Variants in MPG observed in about 807,000 individuals in gnomAD.
MPG encodes DNA-3-methyladenine glycosylase.
In MPG, 33 loss-of-function variants were observed where a neutral mutation model predicts 31.7. The observed-to-expected ratio is 1.04, with a 90% CI of 0.79 to 1.39. MPG has a LOEUF of 1.39. Among genes scored for constraint, MPG ranks in the 40% most tolerant of loss-of-function variants. The pLI is 0.00. For synonymous variants in MPG, 202 were observed against 169.2 expected (o/e 1.19, Z -1.51); for missense variants, 455 against 415.5 (o/e 1.10, Z -0.83).
At chr16:84,893 G>C (rs139853827) in intron 3 of MPG, among the ~76,000 whole-genome samples, 2 of 152,332 alleles carry the variant, frequency 1.3e-5, no homozygotes, top group East Asian at 3.9e-4. Flanking sequence ...CACAAACACT[G>C]AGTGGGTGAG....
chr16:78,083 G>T (rs1327152564), upstream of MPG: 1 of 329,016 alleles, frequency 3.0e-6, no homozygotes, highest in South Asian at 1.1e-4. Flanking sequence ...CCGGGAATCG[G>T]TCCGGACCTG....
At chr16:78,398 C>T (rs1256369200) in intron 1 of MPG, 65 bp downstream of exon 1, 4 of 1,164,456 alleles carry the variant, frequency 3.4e-6, no homozygotes, top group South Asian at 8.4e-5. Flanking sequence ...GCAGCGAGCG[C>T]GGCCGCGGGA....
chr16:79,276 T>C, intron 1 of MPG, 149 bp from the exon 2 acceptor site: 1 of 1,567,842 alleles, frequency 6.4e-7, no homozygotes, highest in East Asian at 2.4e-5. Flanking sequence ...TGTTTGTGCC[T>C]CATAACAACC....
intron 3 of MPG, among the ~76,000 whole-genome samples, chr16:83,640 C>T (rs532036384): frequency 1.3e-5 from 2 of 151,122 alleles, no homozygotes; most frequent in South Asian, 4.2e-4. Flanking sequence ...ACTAGGGAGG[C>T]GGAGGCAGGA....
Position 83,132 on chromosome 16 carries a change from T to C in MPG, c.381T>C (p.Asp127=). The change falls in exon 3 of 4, where the codon GAT becomes GAC. Residue 127 remains aspartate, a synonymous_variant. Coordinates refer to ENST00000356432, the MANE Select transcript of MPG (RefSeq NM_001015052.3). ...VETEAYLGPE[D]EAAHSRGGRQ... is the part of the protein sequence containing the mutation. ...CCGAGGCATACCTGGGGCCAGAGGA[T>C]GAAGCCGCCCACTCAAGGGGTGGCC... The C allele has an allele frequency of 1.2e-6, 2 of 1,613,074 alleles. No homozygotes were observed. The highest frequency in any genetic ancestry group is 2.2e-5 in the South Asian group (2 of 91,068).
At position 83,102 on chromosome 16, in the gene MPG, G is replaced by A; in HGVS notation, c.351G>A (p.Val117=). ...GCACAGAACTCCGAGGCCGCATCGT[G>A]GAGACCGAGGCATACCTGGGGCCAG... The part of the protein sequence containing the change: ...PNGTELRGRI[V]ETEAYLGPED... The change falls in exon 3 of 4, where the codon GTG becomes GTA. Residue 117 remains valine, a synonymous_variant. Transcript: ENST00000356432. 1 of 1,612,588 alleles carries A rather than the reference G, an allele frequency of 6.2e-7. No individual in the cohort carries two copies.
At chr16:80,003 C>T (rs1567123564) in intron 2 of MPG, among the ~76,000 whole-genome samples, 1 of 152,260 alleles carries the variant, frequency 6.6e-6, no homozygotes, top group Non-Finnish European at 1.5e-5. Context: ...ACCGGCAATC[C>T]ACCTCAGTTT....
rs1898184479 is a variant in MPG at position 79,543 on chromosome 16, A to T, written c.143A>T (p.Gln48Leu). 6.2e-7 allele frequency: 1 copy of T among 1,612,946 alleles called. No individual in the cohort carries two copies. Among genetic ancestry groups the T allele is most frequent in the East Asian group, 2.2e-5 (1 of 44,892 alleles). The change falls in exon 2 of 4, where the codon CAG becomes CTG. Residue 48 changes from glutamine to leucine, a missense_variant. Transcript: ENST00000356432. Reference protein sequence around the residue: ...EQPHSSSDAAQAPCPRERCLG... With the variant: ...EQPHSSSDAALAPCPRERCLG... Reference sequence around the variant, plus strand: ...CCACACAGCTCGTCCGATGCAGCCCAGGCACCTTGCCCCAGGGAGCGCTGC... The same window carrying T: ...CCACACAGCTCGTCCGATGCAGCCCTGGCACCTTGCCCCAGGGAGCGCTGC...
rs1785685679 is a variant in MPG at position 78,228 on chromosome 16, C to T, written c.-82C>T. 7.7e-7 allele frequency: 1 copy of T among 1,304,810 alleles called. No homozygotes were observed. Among genetic ancestry groups the T allele is most frequent in the Middle Eastern group, 2.8e-4 (1 of 3,532 alleles). The allele number at this position is 1,304,810 out of a possible 1,614,324, so 80.8% of individuals were successfully genotyped here. A position where few individuals can be genotyped will look rare whatever the true frequency, so the allele number is the denominator to read the frequency against. On this transcript the variant is annotated 5_prime_UTR_variant, in exon 1 of 4. Transcript: ENST00000356432. ...TGCGCAGGCGCCGCTCCGCCCCGGT[C>T]CTAGGGGTGCTTCCGTGGTCGGCGG... is the stretch of plus-strand genomic sequence containing the variant.
intron 3 of MPG, among the ~76,000 whole-genome samples, chr16:83,697 C>T (rs137979849): frequency 0.012 from 1,825 of 149,572 alleles, 34 homozygotes; most frequent in African/African-American, 0.041. Context: ...GCCAAGATCG[C>T]GCCATTGCAC....
rs1390892416 is a variant in MPG, at chr16:78,339, C to G, written c.24+6C>G. The G allele has an allele frequency of 5.6e-6, 7 of 1,255,542 alleles. No homozygotes were observed. The highest frequency in any genetic ancestry group is 7.0e-6 in the Non-Finnish European group (7 of 1,000,978). 77.8% of individuals were successfully genotyped at this position (1,255,542 alleles called of 1,614,324 possible). A position where few individuals can be genotyped will look rare whatever the true frequency, so the allele number is the denominator to read the frequency against. On this transcript the variant is annotated splice_donor_region_variant and intron_variant, in intron 1 of 3. Transcript: ENST00000356432. ...CCGCGCGCAGCGGGGCCCAGGTGAG[C>G]GCGCGCCTCGGCCGCCCCGCGGAAC...
At chr16:79,329 C>T in intron 1 of MPG, 96 bp from the exon 2 acceptor site, 1 of 1,612,708 alleles carries the variant, frequency 6.2e-7, no homozygotes, top group Non-Finnish European at 8.5e-7. Flanking sequence ...GAAACCAAAG[C>T]AGGTGGTCAG....
rs753136233 is a variant in MPG, at chr16:83,067, C to G, written c.316C>G (p.Leu106Val). The G allele has an allele frequency of 3.1e-6, 5 of 1,605,216 alleles. No homozygotes were observed. Among genetic ancestry groups the G allele is most frequent in the African/African-American group, 2.7e-5 (2 of 74,762 alleles). The stretch of plus-strand genomic sequence containing the variant: ...CTGCCCACAGGTCCTAGTCCGGCGA[C>G]TTCCTAATGGCACAGAACTCCGAGG... ...AFLGQVLVRR[L>V]PNGTELRGRI... The change falls in exon 3 of 4, where the codon CTT becomes GTT. Residue 106 changes from leucine to valine, a missense_variant. Coordinates refer to ENST00000356432, the MANE Select transcript of MPG (RefSeq NM_001015052.3).
Position 79,573 on chromosome 16 carries a change from G to A in MPG, c.173G>A (p.Gly58Glu), listed in dbSNP as rs1033652084. 3 of 1,611,968 alleles carry A rather than the reference G, an allele frequency of 1.9e-6. No homozygotes were observed. The highest frequency in any genetic ancestry group is 2.5e-6 in the Non-Finnish European group (3 of 1,179,540). ...QAPCPRERCL[G>E]PPTTPGPYRS... The stretch of plus-strand genomic sequence containing the variant: ...CCTTGCCCCAGGGAGCGCTGCTTGG[G>A]ACCGCCCACCACTCCGGGCCCATAC... The change falls in exon 2 of 4, where the codon GGA becomes GAA. Residue 58 changes from glycine to glutamate, a missense_variant. Coordinates refer to ENST00000356432, the MANE Select transcript of MPG (RefSeq NM_001015052.3).
chr16:79,723 G>A lies in MPG; in HGVS notation c.300+23G>A, dbSNP rs888299784. The stretch of plus-strand genomic sequence containing the variant: ...CAGGTAATGTGAACATAGCAGCGAG[G>A]GCCCTCCTGAAGTGCCTGTCACTGC... On this transcript the variant is annotated intron_variant, in intron 2 of 3. Transcript: ENST00000356432. The A allele has an allele frequency of 1.4e-5, 22 of 1,538,010 alleles. No homozygotes were observed. The African/African-American group carries it at 1.6e-4, about 12-fold the overall frequency.
At chr16:84,891 C>T (rs923956785) in intron 3 of MPG, among the ~76,000 whole-genome samples, 2 of 152,206 alleles carry the variant, frequency 1.3e-5, no homozygotes, top group African/African-American at 2.4e-5. Flanking sequence ...AACACAAACA[C>T]TGAGTGGGTG....
In MPG at chr16:79,603, G is replaced by C. The variant is rs1359639836; in HGVS notation, c.203G>C (p.Ser68Thr). 6.2e-7 allele frequency: 1 copy of C among 1,605,634 alleles called. No individual in the cohort carries two copies. Among genetic ancestry groups the C allele is most frequent in the South Asian group, 1.1e-5 (1 of 90,448 alleles). Residue 68 changes from serine (S) to threonine (T), a missense_variant, in exon 2 of 4, where the codon AGC (serine) becomes ACC (threonine). By Grantham distance (58) the Ser-to-Thr change is moderately conservative. Coordinates refer to ENST00000356432, the MANE Select transcript of MPG (RefSeq NM_001015052.3). ...GPPTTPGPYR[S>T]IYFSSPKGHL... ...CCCACCACTCCGGGCCCATACCGCAGCATCTATTTCTCAAGCCCAAAGGGC... is the reference window on the plus strand; with the variant it reads ...CCCACCACTCCGGGCCCATACCGCACCATCTATTTCTCAAGCCCAAAGGGC...
intron 3 of MPG, among the ~76,000 whole-genome samples, chr16:84,960 T>TG (rs1898382002): frequency 6.6e-6 from 1 of 152,256 alleles, no homozygotes; most frequent in South Asian, 2.1e-4. Context: ...CCTGGCTGAA[T>TG]GATCGCACCC....
chr16:82,983 G>C lies in MPG; in HGVS notation c.301-69G>C, dbSNP rs549320023. 2.2e-4 allele frequency: 309 copies of C among 1,400,536 alleles called. 3 individuals carry two copies. The South Asian group carries it at 3.7e-3, about 17-fold the overall frequency. 86.8% of individuals were successfully genotyped at this position (1,400,536 alleles called of 1,614,324 possible). A position where few individuals can be genotyped will look rare whatever the true frequency, so the allele number is the denominator to read the frequency against. On this transcript the variant is annotated intron_variant, in intron 2 of 3. Coordinates refer to ENST00000356432, the MANE Select transcript of MPG (RefSeq NM_001015052.3). ...CCCTGAGCTGGGGAGATGAGGTCCA[G>C]GCTGGGCACTGTTAGGGTGAGTGGA...
Sources: gnomAD v4.1 joint callset for allele counts (sites outside exome capture counted in the v4.1 genomes callset) on GRCh38, gnomAD v4.1.1 for gene constraint, MANE v1.5 for transcripts, NCBI Gene and HGNC (gene_info 2026-07-23, HGNC 2026-07-21) for gene names.